Variants in XYLB observed in about 807,000 individuals in gnomAD.
XYLB encodes the protein xylulose kinase.
In XYLB, 62 loss-of-function variants were observed where a neutral mutation model predicts 78.7. The observed-to-expected ratio is 0.79, with a 90% CI of 0.64 to 0.97. XYLB has a LOEUF of 0.97. Ranked by LOEUF, XYLB falls within the 50% of genes least tolerant of loss-of-function variation. The pLI is 0.00. For missense variants in XYLB, 687 were observed against 676.8 expected (o/e 1.02, Z -0.17); for synonymous variants, 245 against 247.4 (o/e 0.99, Z 0.09).
At position 38,365,812 on chromosome 3, in the gene XYLB, G is replaced by A. The variant is rs1034764755; in HGVS notation, c.507+76G>A. On this transcript the variant is annotated intron_variant, in intron 6 of 18. Transcript: ENST00000207870. The stretch of plus-strand genomic sequence containing the variant: ...GAGGCATAGTGGGTGACCTGCCTCT[G>A]GGGGGATCACATGAGGTCATGGAGG... 22 of 1,498,092 alleles carry A rather than the reference G, an allele frequency of 1.5e-5. No individual in the cohort carries two copies. The South Asian group carries it at 2.7e-4, about 19-fold the overall frequency. The allele number at this position is 1,498,092 out of a possible 1,614,324, so 92.8% of individuals were successfully genotyped here. A position where few individuals can be genotyped will look rare whatever the true frequency, so the allele number is the denominator to read the frequency against.
chr3:38,448,028 G>A, the XYLB span, among the ~76,000 whole-genome samples: 3 of 152,078 alleles, frequency 2.0e-5, no homozygotes, highest in Admixed American at 2.0e-4. Context: ...ACCAGCCTGG[G>A]CAACATAGTG....
At chr3:38,355,588 C>T (rs1705603294) in intron 2 of XYLB, among the ~76,000 whole-genome samples, 1 of 152,196 alleles carries the variant, frequency 6.6e-6, no homozygotes, top group Non-Finnish European at 1.5e-5. Flanking sequence ...TCTTCCTAGG[C>T]ACTCTCCTGC....
intron 15 of XYLB, among the ~76,000 whole-genome samples, chr3:38,387,653 T>C (rs1241845062): frequency 6.6e-6 from 1 of 152,258 alleles, no homozygotes; most frequent in African/African-American, 2.4e-5. Context: ...ATTACAGGCA[T>C]GAGTCACTGT....
chr3:38,435,123 AAGAC>A, the XYLB span, among the ~76,000 whole-genome samples: 2 of 151,994 alleles, frequency 1.3e-5, no homozygotes, highest in East Asian at 3.9e-4. Context: ...GTGACAGAGT[AAGAC>A]AGACTGATCA....
At chr3:38,374,845 C>T (rs1033784476) in intron 11 of XYLB, among the ~76,000 whole-genome samples, 1 of 152,164 alleles carries the variant, frequency 6.6e-6, no homozygotes, top group African/African-American at 2.4e-5. Flanking sequence ...ATAACCCAGA[C>T]ATTCCTACTT....
intron 15 of XYLB, among the ~76,000 whole-genome samples, chr3:38,384,823 T>A (rs1252416577): frequency 6.6e-6 from 1 of 152,172 alleles, no homozygotes; most frequent in East Asian, 1.9e-4. Context: ...CACGTGTGTG[T>A]GTGTATATAT....
intron 14 of XYLB, among the ~76,000 whole-genome samples, chr3:38,377,216 G>T (rs565990512): frequency 1.3e-4 from 20 of 151,814 alleles, no homozygotes; most frequent in African/African-American, 4.3e-4. Context: ...GAAAACCTGA[G>T]AGTTCTCTTC....
chr3:38,348,781 A>G (rs1454257764), intron 2 of XYLB, 149 bp downstream of exon 2: 2 of 666,038 alleles, frequency 3.0e-6, no homozygotes, highest in Non-Finnish European at 5.2e-6. Flanking sequence ...TTTTTTTCCT[A>G]TACCTAGAGT....
downstream of XYLB, among the ~76,000 whole-genome samples, chr3:38,416,047 A>G (rs999448082): frequency 6.6e-6 from 1 of 152,220 alleles, no homozygotes; most frequent in Non-Finnish European, 1.5e-5. Flanking sequence ...AACCACCCCC[A>G]TGATCCAGTC....
chr3:38,388,881 A>G (rs962067033), intron 15 of XYLB, among the ~76,000 whole-genome samples: 7 of 152,222 alleles, frequency 4.6e-5, no homozygotes, highest in African/African-American at 1.4e-4. Flanking sequence ...CCCACAGTTT[A>G]GGCCTATTAA....
the XYLB span, among the ~76,000 whole-genome samples, chr3:38,432,163 C>G: frequency 1.3e-5 from 2 of 152,220 alleles, no homozygotes; most frequent in Non-Finnish European, 2.9e-5. Flanking sequence ...TCTCTTCCAG[C>G]AGTCCCCGAA....
At chr3:38,377,855 A>C (rs1706942878) in intron 14 of XYLB, among the ~76,000 whole-genome samples, 1 of 152,088 alleles carries the variant, frequency 6.6e-6, no homozygotes, top group Non-Finnish European at 1.5e-5. Context: ...TAGATGGTGG[A>C]GGGGGCTCAA....
chr3:38,394,899 GA>G lies in XYLB; in HGVS notation c.1292-605del. Among the ~76,000 whole-genome samples the G allele has an allele frequency of 2.0e-5, 3 of 152,314 alleles. No homozygotes were observed. In the South Asian group the frequency reaches 6.2e-4, roughly 32 times the overall value. ...TGTAGACCTCTCCCTAGGGCTGCTTGAGTGTCTTCAGGATGTGGCACTTAGC... is the reference window on the plus strand; with the variant it reads ...TGTAGACCTCTCCCTAGGGCTGCTTGGTGTCTTCAGGATGTGGCACTTAGC... On this transcript the variant is annotated intron_variant, in intron 15 of 18. Coordinates refer to ENST00000207870, the MANE Select transcript of XYLB (RefSeq NM_005108.4).
intron 3 of XYLB, among the ~76,000 whole-genome samples, chr3:38,362,687 A>T (rs1374013424): frequency 6.6e-6 from 1 of 152,176 alleles, no homozygotes; most frequent in Non-Finnish European, 1.5e-5. Flanking sequence ...GAGAAGTAAA[A>T]TTTGAGGATT....
chr3:38,449,339 T>A, the XYLB span, among the ~76,000 whole-genome samples: 12 of 152,274 alleles, frequency 7.9e-5, no homozygotes, highest in African/African-American at 2.9e-4. Flanking sequence ...GCCAGAATGG[T>A]CTCGATCTCT....
At chr3:38,362,680 A>G (rs756611025) in intron 3 of XYLB, among the ~76,000 whole-genome samples, 10 of 152,206 alleles carry the variant, frequency 6.6e-5, no homozygotes, top group Non-Finnish European at 8.8e-5. Context: ...AAAAATGGAG[A>G]AGTAAAATTT....
At chr3:38,353,693 C>A (rs947490102) in intron 2 of XYLB, among the ~76,000 whole-genome samples, 1 of 151,888 alleles carries the variant, frequency 6.6e-6, no homozygotes, top group Non-Finnish European at 1.5e-5. Context: ...TCAAGACCAG[C>A]CTGGCTAACA....
chr3:38,443,011 C>T, the XYLB span, among the ~76,000 whole-genome samples: 3 of 152,054 alleles, frequency 2.0e-5, no homozygotes, highest in South Asian at 4.1e-4. Context: ...TATGTCCCTC[C>T]CTAATAAGGA....
chr3:38,446,222 G>A, the XYLB span, among the ~76,000 whole-genome samples: 9 of 152,152 alleles, frequency 5.9e-5, no homozygotes, highest in African/African-American at 1.9e-4. Flanking sequence ...CCAGATTAGA[G>A]TGCTGATTGG....
Sources: allele counts gnomAD v4.1 joint callset (sites outside exome capture counted in the v4.1 genomes callset), GRCh38; gene constraint gnomAD v4.1.1; transcripts MANE v1.5; gene names NCBI Gene and HGNC (gene_info 2026-07-23, HGNC 2026-07-21).